Variants in MAPKAP1 observed in about 807,000 individuals in gnomAD.
MAPKAP1 encodes target of rapamycin complex 2 subunit MAPKAP1.
MAPKAP1 carries 20 observed loss-of-function variants against 65.7 expected under a neutral mutation model. That is an observed-to-expected ratio of 0.30 (90% CI 0.21 to 0.44). The LOEUF (loss-of-function observed/expected upper bound fraction) is 0.44, where lower values mean the gene tolerates loss of function less well. MAPKAP1 is among the 20% of genes least tolerant of loss of function. The pLI, the probability that MAPKAP1 is intolerant of heterozygous loss-of-function variation, is 1.00. For missense variants in MAPKAP1, 423 were observed against 648.0 expected, an observed-to-expected ratio of 0.65 and a Z score of 3.77; for synonymous variants, 222 against 244.3, an observed-to-expected ratio of 0.91 and a Z score of 0.85.
At chr9:125,577,132 G>A (rs1169488206) in intron 5 of MAPKAP1, among the ~76,000 whole-genome samples, 7 of 151,170 alleles carry the variant, frequency 4.6e-5, no homozygotes, top group Non-Finnish European at 8.9e-5. Flanking sequence ...CTGCCCGGCC[G>A]CCCATCGTCT....
At chr9:125,587,671 T>C (rs1054225121) in intron 4 of MAPKAP1, among the ~76,000 whole-genome samples, 4 of 152,184 alleles carry the variant, frequency 2.6e-5, no homozygotes, top group African/African-American at 9.7e-5. Context: ...ACAAATCATA[T>C]ATCTCATAAG....
At chr9:125,665,618 T>C (rs1834317974) in intron 3 of MAPKAP1, among the ~76,000 whole-genome samples, 1 of 151,996 alleles carries the variant, frequency 6.6e-6, no homozygotes, top group African/African-American at 2.4e-5. Context: ...AACAGCCTTG[T>C]TGCTCAAAAA....
chr9:125,661,272 G>C (rs1048882947), intron 3 of MAPKAP1, among the ~76,000 whole-genome samples: 1 of 152,050 alleles, frequency 6.6e-6, no homozygotes, highest in African/African-American at 2.4e-5. Flanking sequence ...AACGGAATTC[G>C]GAAGATCAAG....
intron 5 of MAPKAP1, among the ~76,000 whole-genome samples, chr9:125,561,828 T>C (rs780095517): frequency 2.6e-5 from 4 of 152,324 alleles, no homozygotes; most frequent in Non-Finnish European, 4.4e-5. Flanking sequence ...GGAAGGTAAC[T>C]ATAATAAGAA....
intron 1 of MAPKAP1, among the ~76,000 whole-genome samples, chr9:125,690,350 G>T (rs888898226): frequency 1.3e-5 from 2 of 152,224 alleles, no homozygotes; most frequent in African/African-American, 4.8e-5. Flanking sequence ...CAGAAGCAAA[G>T]AAAAGATAAC....
chr9:125,514,004 GAACA>G (rs1410085765), intron 7 of MAPKAP1, among the ~76,000 whole-genome samples: 4 of 152,316 alleles, frequency 2.6e-5, no homozygotes, highest in South Asian at 2.1e-4. Context: ...AGAACCCACA[GAACA>G]AACCACGGCA....
Position 125,707,062 on chromosome 9 carries a change from C to A in MAPKAP1, c.-161G>T. 2.5e-6 allele frequency: 1 copy of A among 398,200 alleles called. No homozygotes were observed. Among genetic ancestry groups the A allele is most frequent in the South Asian group, 1.3e-4 (1 of 7,814 alleles). 24.7% of individuals were successfully genotyped at this position (398,200 alleles called of 1,614,324 possible). ...TCCCCCACGCCTCCCGGCCCCTGCCCCGAGCTCTGCACTCTCGGGATCCAC... is the reference window on the plus strand; with the variant it reads ...TCCCCCACGCCTCCCGGCCCCTGCCACGAGCTCTGCACTCTCGGGATCCAC... On this transcript the variant is annotated 5_prime_UTR_variant, in exon 1 of 12. Transcript: ENST00000265960.
chr9:125,486,235 A>G (rs1854496735), intron 8 of MAPKAP1, among the ~76,000 whole-genome samples: 1 of 152,226 alleles, frequency 6.6e-6, no homozygotes, highest in Non-Finnish European at 1.5e-5. Flanking sequence ...AGGCTGTCAC[A>G]TGCCAAGGTT....
chr9:125,665,180 C>T (rs959153407), intron 3 of MAPKAP1, among the ~76,000 whole-genome samples: 7 of 151,916 alleles, frequency 4.6e-5, no homozygotes, highest in East Asian at 1.9e-4. Context: ...TGGTGGCACA[C>T]GCCTGTAATC....
intron 10 of MAPKAP1, among the ~76,000 whole-genome samples, chr9:125,467,512 T>G (rs1173529361): frequency 1.3e-5 from 2 of 152,202 alleles, no homozygotes; most frequent in Non-Finnish European, 2.9e-5. Context: ...TGCTGACACT[T>G]CCGGCATGAT....
chr9:125,612,572 C>G (rs1832633208), intron 4 of MAPKAP1, among the ~76,000 whole-genome samples: 1 of 152,300 alleles, frequency 6.6e-6, no homozygotes, highest in Middle Eastern at 3.4e-3. Flanking sequence ...CTTTCTGAAG[C>G]CATCTGTCCT....
intron 4 of MAPKAP1, among the ~76,000 whole-genome samples, chr9:125,636,499 A>G (rs1052458498): frequency 2.0e-5 from 3 of 152,248 alleles, no homozygotes; most frequent in African/African-American, 7.2e-5. Context: ...ATAACTGCAT[A>G]TTCTCTAACA....
At chr9:125,492,807 T>C (rs938798614) in intron 8 of MAPKAP1, among the ~76,000 whole-genome samples, 1 of 152,218 alleles carries the variant, frequency 6.6e-6, no homozygotes, top group African/African-American at 2.4e-5. Context: ...AACTGGAAGA[T>C]CAGTGGCCTC....
chr9:125,652,915 G>A (rs568560605), intron 4 of MAPKAP1, among the ~76,000 whole-genome samples: 1 of 152,226 alleles, frequency 6.6e-6, no homozygotes, highest in East Asian at 1.9e-4. Context: ...CTAAAATCCT[G>A]GCTTTTAAAA....
intron 4 of MAPKAP1, among the ~76,000 whole-genome samples, chr9:125,638,364 A>G (rs903733428): frequency 2.0e-5 from 3 of 152,218 alleles, no homozygotes; most frequent in Non-Finnish European, 4.4e-5. Flanking sequence ...ACAGACACTG[A>G]GAAGGAATCA....
intron 10 of MAPKAP1, among the ~76,000 whole-genome samples, chr9:125,462,191 A>G (rs1398374349): frequency 6.6e-6 from 1 of 152,226 alleles, no homozygotes; most frequent in Admixed American, 6.5e-5. Flanking sequence ...GGTGGCGAGG[A>G]TCCGACGGAT....
At chr9:125,524,453 C>T (rs1292106736) in intron 7 of MAPKAP1, among the ~76,000 whole-genome samples, 1 of 152,168 alleles carries the variant, frequency 6.6e-6, no homozygotes, top group South Asian at 2.1e-4. Context: ...GCACATTTTG[C>T]CATGTTCAAC....
At chr9:125,685,853 CA>C (rs1834958848) in intron 1 of MAPKAP1, among the ~76,000 whole-genome samples, 2 of 152,222 alleles carry the variant, frequency 1.3e-5, no homozygotes, top group African/African-American at 2.4e-5. Flanking sequence ...GTGAGTTTAC[CA>C]AAAAGGACCC....
intron 6 of MAPKAP1, among the ~76,000 whole-genome samples, chr9:125,556,078 C>T (rs534126997): frequency 6.6e-6 from 1 of 152,336 alleles, no homozygotes; most frequent in Admixed American, 6.5e-5. Flanking sequence ...ACAATAACAG[C>T]AGCTAACACT....
Sources: gnomAD v4.1 joint callset for allele counts (sites outside exome capture counted in the v4.1 genomes callset) on GRCh38, gnomAD v4.1.1 for gene constraint, MANE v1.5 for transcripts, NCBI Gene and HGNC (gene_info 2026-07-23, HGNC 2026-07-21) for gene names.